C3AR1: variants seen among roughly 807,000 people sequenced by gnomAD.
C3AR1 encodes C3a anaphylatoxin chemotactic receptor.
For missense variants in C3AR1, 579 were observed against 583.5 expected (o/e 0.99, Z 0.08); for synonymous variants, 208 against 225.3 (o/e 0.92, Z 0.69).
At position 8,059,314 on chromosome 12, in the gene C3AR1, G is replaced by C. The variant is rs1233005592; in HGVS notation, c.872C>G (p.Ser291Cys). The C allele has an allele frequency of 1.9e-6, 3 of 1,614,202 alleles. No individual in the cohort carries two copies. In the South Asian group the frequency reaches 3.3e-5, roughly 18 times the overall value. ...GCTAGGGAACAGCTTTAAATGAGTA[G>C]AGAGAAAAGCATCAGAGTTATCCAG... The part of the protein sequence containing the change: ...SPLDNSDAFL[S>C]THLKLFPSAS... Residue 291 changes from serine (S) to cysteine (C), a missense_variant, in exon 2 of 2, where the codon TCT (serine) becomes TGT (cysteine). Coordinates refer to ENST00000307637, the MANE Select transcript of C3AR1 (RefSeq NM_004054.4).
intron 1 of C3AR1, among the ~76,000 whole-genome samples, chr12:8,065,953 G>GA (rs927251191): frequency 1.3e-5 from 2 of 151,928 alleles, no homozygotes; most frequent in Non-Finnish European, 2.9e-5. Flanking sequence ...AATGGAAAGG[G>GA]AAAAAAAGTG....
chr12:8,064,638 G>A (rs1049552200), intron 1 of C3AR1, among the ~76,000 whole-genome samples: 1 of 148,864 alleles, frequency 6.7e-6, no homozygotes, highest in East Asian at 1.9e-4. Context: ...GTGGTGAGCC[G>A]AGGTTGCGCC....
rs1375122966 is a variant in C3AR1, at chr12:8,057,346, T to A, written c.*1391A>T. ...GAATTAAAATATGGTTATTAATGAA[T>A]GTTGGGATGCTGGATAAACAAATTA... On this transcript the variant is annotated 3_prime_UTR_variant, in exon 2 of 2. Coordinates refer to ENST00000307637, the MANE Select transcript of C3AR1 (RefSeq NM_004054.4). 6.6e-6 allele frequency among the ~76,000 whole-genome samples: 1 copy of A among 152,202 alleles called. No individual in the cohort carries two copies. The highest frequency in any genetic ancestry group is 2.4e-5 in the African/African-American group (1 of 41,454).
At chr12:8,063,093 G>A (rs1313266101) in intron 1 of C3AR1, among the ~76,000 whole-genome samples, 1 of 151,330 alleles carries the variant, frequency 6.6e-6, no homozygotes, top group Non-Finnish European at 1.5e-5. Flanking sequence ...GAGGAGCTGG[G>A]ATTACAGGCG....
Position 8,058,698 on chromosome 12 carries a change from AT to A in C3AR1, c.*38del. On this transcript the variant is annotated 3_prime_UTR_variant, in exon 2 of 2. Transcript: ENST00000307637. ...TCCTCTTATAAACTTTCACTATGTG[AT>A]TGCCTAAGAGCCCCTGCTTGTTGGC... 6.4e-7 allele frequency: 1 copy of A among 1,553,090 alleles called. No homozygotes were observed. The highest frequency in any genetic ancestry group is 8.7e-7 in the Non-Finnish European group (1 of 1,151,112).
rs773465018 is a variant in C3AR1 at position 8,059,978 on chromosome 12, G to A, written c.208C>T (p.Leu70Phe). 23 of 1,614,052 alleles carry A rather than the reference G, an allele frequency of 1.4e-5. No individual in the cohort carries two copies. In the South Asian group the frequency reaches 2.5e-4, roughly 18 times the overall value. Residue 70 changes from leucine (L) to phenylalanine (F), a missense_variant, in exon 2 of 2, where the codon CTC becomes TTC. Transcript: ENST00000307637. ...WFLHLTLADL[L>F]CCLSLPFSLA... ...GAGAAGGGCAAGGAGAGGCAGCAGAGGAGGTCCGCCAAGGTGAGGTGGAGG... is the reference window on the plus strand; with the variant it reads ...GAGAAGGGCAAGGAGAGGCAGCAGAAGAGGTCCGCCAAGGTGAGGTGGAGG...
Position 8,059,546 on chromosome 12 carries a change from A to T in C3AR1, c.640T>A (p.Ser214Thr), listed in dbSNP as rs1947244175. 6.2e-7 allele frequency: 1 copy of T among 1,614,108 alleles called. No individual in the cohort carries two copies. ...PGEMNDRLDP[S>T]SFQTNDHPWT... ...GGATGATCATTTGTTTGGAAAGAGG[A>T]AGGATCTAACCTATCATTCATTTCT... The change falls in exon 2 of 2, where the codon TCC becomes ACC. Residue 214 changes from serine to threonine, a missense_variant. Physicochemically the swap from Ser to Thr is moderately conservative, Grantham distance 58. Transcript: ENST00000307637.
rs1565634570 is a variant in C3AR1, at chr12:8,058,655, G to T, written c.*82C>A. On this transcript the variant is annotated 3_prime_UTR_variant, in exon 2 of 2. Transcript: ENST00000307637. Reference sequence around the variant, plus strand: ...TCTTTGACAGTTTTTGAAGTCCGCTGCTCACCATATCACTTCATCCTCTTA... The same window carrying T: ...TCTTTGACAGTTTTTGAAGTCCGCTTCTCACCATATCACTTCATCCTCTTA... 1.4e-6 allele frequency: 2 copies of T among 1,446,840 alleles called. No homozygotes were observed. The highest frequency in any genetic ancestry group is 2.7e-5 in the South Asian group (2 of 73,536). The allele number at this position is 1,446,840 out of a possible 1,614,324, so 89.6% of individuals were successfully genotyped here.
At chr12:8,064,391 A>C (rs1271385753) in intron 1 of C3AR1, among the ~76,000 whole-genome samples, 1 of 152,164 alleles carries the variant, frequency 6.6e-6, no homozygotes, top group Non-Finnish European at 1.5e-5. Context: ...AGTCAACAAA[A>C]TAATAAAAAA....
At position 8,058,603 on chromosome 12, in the gene C3AR1, G is replaced by T; in HGVS notation, c.*134C>A. 1.0e-6 allele frequency: 1 copy of T among 965,378 alleles called. No homozygotes were observed. The highest frequency in any genetic ancestry group is 1.6e-6 in the Non-Finnish European group (1 of 641,372). The allele number at this position is 965,378 out of a possible 1,614,324, so 59.8% of individuals were successfully genotyped here. ...GGTGATGCTGATGTCAATAGTCTGT[G>T]TACCGTTTGAGAACCGCTGGATTGA... On this transcript the variant is annotated 3_prime_UTR_variant, in exon 2 of 2. Coordinates refer to ENST00000307637, the MANE Select transcript of C3AR1 (RefSeq NM_004054.4).
chr12:8,058,860 A>C lies in C3AR1; in HGVS notation c.1326T>G (p.Phe442Leu). 1 of 1,614,160 alleles carries C rather than the reference A, an allele frequency of 6.2e-7. No individual in the cohort carries two copies. Among genetic ancestry groups the C allele is most frequent in the East Asian group, 2.2e-5 (1 of 44,890 alleles). The part of the protein sequence containing the change: ...PFLYALLGKD[F>L]RKKARQSIQG... ...GAATGGACTGCCTTGCTTTCTTCCT[A>C]AAATCTTTCCCCAAGAGGGCATAAA... Residue 442 changes from phenylalanine to leucine, a missense_variant, in exon 2 of 2, where the codon TTT (phenylalanine) becomes TTG (leucine). Coordinates refer to ENST00000307637, the MANE Select transcript of C3AR1 (RefSeq NM_004054.4).
intron 1 of C3AR1, among the ~76,000 whole-genome samples, chr12:8,063,124 A>C (rs1360695609): frequency 7.0e-6 from 1 of 143,824 alleles, no homozygotes; most frequent in African/African-American, 2.6e-5. Flanking sequence ...CGCCCGGCTA[A>C]TTTTTGTATT....
chr12:8,062,261 A>T (rs1018387188), intron 1 of C3AR1, among the ~76,000 whole-genome samples: 20 of 152,018 alleles, frequency 1.3e-4, no homozygotes, highest in Admixed American at 5.2e-4. Flanking sequence ...TTTTTTATAC[A>T]TTTTTTTCTT....
In C3AR1 at chr12:8,060,136, G is replaced by T. The variant is rs1401035404; in HGVS notation, c.50C>A (p.Pro17Gln). The T allele has an allele frequency of 6.2e-7, 1 of 1,613,806 alleles. No homozygotes were observed. Among genetic ancestry groups the T allele is most frequent in the East Asian group, 2.2e-5 (1 of 44,878 alleles). Reference sequence around the variant, plus strand: ...GAGAATTACTGGGGGCTCATTCCATGGCTGTGAGAGTAGGTCAGTTGAATT... The same window carrying T: ...GAGAATTACTGGGGGCTCATTCCATTGCTGTGAGAGTAGGTCAGTTGAATT... Reference protein sequence around the residue: ...ETNSTDLLSQPWNEPPVILSM... With the variant: ...ETNSTDLLSQQWNEPPVILSM... Residue 17 changes from proline to glutamine, a missense_variant, in exon 2 of 2, where the codon CCA becomes CAA. Transcript: ENST00000307637.
chr12:8,062,052 C>A (rs1947279125), intron 1 of C3AR1, among the ~76,000 whole-genome samples: 1 of 152,156 alleles, frequency 6.6e-6, no homozygotes, highest in South Asian at 2.1e-4. Context: ...TGGTGTATTT[C>A]ACTTAGCATA....
chr12:8,058,882 T>C lies in C3AR1; in HGVS notation c.1304A>G (p.Tyr435Cys). ...CCTAAAATCTTTCCCCAAGAGGGCA[T>C]AAAGGAAGGGATTAAAGCAACTATT... is the stretch of plus-strand genomic sequence containing the variant. ...SANSCFNPFLYALLGKDFRKK... is the reference protein window; with the variant it reads ...SANSCFNPFLCALLGKDFRKK... Residue 435 changes from tyrosine (Y) to cysteine (C), a missense_variant, in exon 2 of 2, where the codon TAT (tyrosine) becomes TGT (cysteine). Transcript: ENST00000307637. 6.2e-7 allele frequency: 1 copy of C among 1,614,080 alleles called. No homozygotes were observed. The highest frequency in any genetic ancestry group is 1.1e-5 in the South Asian group (1 of 91,084).
chr12:8,063,044 G>A (rs1445812816), intron 1 of C3AR1, among the ~76,000 whole-genome samples: 1 of 122,984 alleles, frequency 8.1e-6, no homozygotes, highest in African/African-American at 3.1e-5. Context: ...TACAGCCTCC[G>A]CATCCCGGGT....
At chr12:8,064,647 C>T (rs1364653587) in intron 1 of C3AR1, among the ~76,000 whole-genome samples, 1 of 149,032 alleles carries the variant, frequency 6.7e-6, no homozygotes, top group Non-Finnish European at 1.5e-5. Context: ...CGAGGTTGCG[C>T]CACTACACTC....
At position 8,058,947 on chromosome 12, in the gene C3AR1, C is replaced by CA; in HGVS notation, c.1238dup (p.Met414AspfsTer15). The CA allele has an allele frequency of 6.2e-7, 1 of 1,614,192 alleles. No individual in the cohort carries two copies. Among genetic ancestry groups the CA allele is most frequent in the Non-Finnish European group, 8.5e-7 (1 of 1,180,032 alleles). On this transcript the variant is annotated frameshift_variant, in exon 2 of 2. Transcript: ENST00000307637. LOFTEE classifies it low-confidence loss of function (END_TRUNC). The stretch of plus-strand genomic sequence containing the variant: ...CAATGCATACATGATCCCAGGACAT[C>CA]AGAGTTTTCCCCAAGGGAGTTTCTG...
Sources: gnomAD v4.1 joint callset for allele counts (sites outside exome capture counted in the v4.1 genomes callset) on GRCh38, gnomAD v4.1.1 for gene constraint, MANE v1.5 for transcripts, NCBI Gene and HGNC (gene_info 2026-07-23, HGNC 2026-07-21) for gene names.